Variants in ARV1 observed in about 807,000 individuals in gnomAD.
The protein encoded by ARV1 is ARV1 fatty acid homeostasis modulator.
Under a neutral mutation model 31.1 loss-of-function variants are expected in ARV1, and 26 were observed. The observed-to-expected ratio is 0.84, with a 90% CI of 0.61 to 1.16. The LOEUF is 1.16. Ranked by LOEUF, ARV1 falls within the 50% of genes most tolerant of loss-of-function variation. The pLI, the probability that ARV1 is intolerant of heterozygous loss-of-function variation, is 0.00. For synonymous variants in ARV1, 117 were observed against 123.2 expected, an observed-to-expected ratio of 0.95 and a Z score of 0.34; for missense variants, 281 against 324.9, an observed-to-expected ratio of 0.86 and a Z score of 1.04.
intron 1 of ARV1, among the ~76,000 whole-genome samples, chr1:230,986,640 T>TTCCA (rs1679078014): frequency 6.7e-6 from 1 of 149,748 alleles, no homozygotes; most frequent in African/African-American, 2.4e-5. Flanking sequence ...TGTTCGTGCC[T>TTCCA]TCCACCCACA....
intron 3 of ARV1, among the ~76,000 whole-genome samples, chr1:230,991,562 C>T (rs542030204): frequency 6.6e-6 from 1 of 152,206 alleles, no homozygotes; most frequent in Admixed American, 6.5e-5. Flanking sequence ...TCCCTGATGC[C>T]TCTTTCTTTG....
chr1:230,985,174 C>A (rs1382437256), intron 1 of ARV1, among the ~76,000 whole-genome samples: 2 of 151,134 alleles, frequency 1.3e-5, no homozygotes, highest in Non-Finnish European at 3.0e-5. Context: ...AGGGAACCAG[C>A]AAACTTTAAT....
intron 1 of ARV1, among the ~76,000 whole-genome samples, chr1:230,984,636 T>C (rs919151638): frequency 1.3e-5 from 2 of 152,166 alleles, no homozygotes; most frequent in East Asian, 1.9e-4. Context: ...GATTAACTTT[T>C]ATATCTAGGT....
chr1:230,998,870 C>T (rs1226878256), intron 5 of ARV1, among the ~76,000 whole-genome samples: 1 of 152,142 alleles, frequency 6.6e-6, no homozygotes, highest in East Asian at 1.9e-4. Context: ...GTGATTGTGC[C>T]ACTGCACTCC....
intron 1 of ARV1, among the ~76,000 whole-genome samples, chr1:230,981,052 G>A (rs1678898046): frequency 6.6e-6 from 1 of 152,190 alleles, no homozygotes; most frequent in Non-Finnish European, 1.5e-5. Flanking sequence ...TCCTTGAAAT[G>A]CTGTGTGCGC....
chr1:230,994,693 C>T (rs1168622399), intron 3 of ARV1, among the ~76,000 whole-genome samples: 1 of 152,154 alleles, frequency 6.6e-6, no homozygotes, highest in Non-Finnish European at 1.5e-5. Context: ...AGGCGCCTGC[C>T]ACCACTCCCG....
At chr1:230,997,982 G>T (rs1317535552) in intron 5 of ARV1, among the ~76,000 whole-genome samples, 2 of 152,186 alleles carry the variant, frequency 1.3e-5, no homozygotes, top group Admixed American at 1.3e-4. Context: ...CCCTTTGTCT[G>T]CTCTGACTTT....
In ARV1 at chr1:230,996,042, C is replaced by T. The variant is rs534124709; in HGVS notation, c.673+58C>T. On this transcript the variant is annotated intron_variant, in intron 4 of 5. Coordinates refer to ENST00000310256, the MANE Select transcript of ARV1 (RefSeq NM_022786.3). Reference sequence around the variant, plus strand: ...TTTCAACCCATAAAAAGCTTAAAGCCTTGTTTCTGGGGTGCAGTTTTTATA... The same window carrying T: ...TTTCAACCCATAAAAAGCTTAAAGCTTTGTTTCTGGGGTGCAGTTTTTATA... The T allele has an allele frequency of 6.1e-6, 9 of 1,471,492 alleles. No homozygotes were observed. The East Asian group carries it at 2.0e-4, about 33-fold the overall frequency. The allele number at this position is 1,471,492 out of a possible 1,614,324, so 91.2% of individuals were successfully genotyped here.
chr1:230,985,348 T>A (rs548497139), intron 1 of ARV1, among the ~76,000 whole-genome samples: 1 of 152,332 alleles, frequency 6.6e-6, no homozygotes, highest in East Asian at 1.9e-4. Flanking sequence ...ATGACTGTGG[T>A]CATGAGACCA....
At position 230,983,142 on chromosome 1, in the gene ARV1, C is replaced by T. The variant is rs116541950; in HGVS notation, c.174+3863C>T. Among the ~76,000 whole-genome samples the T allele has an allele frequency of 7.0e-3, 1,062 of 152,226 alleles. 14 individuals carry two copies. The highest frequency in any genetic ancestry group is 0.024 in the African/African-American group (992 of 41,518). On this transcript the variant is annotated intron_variant, in intron 1 of 5. Coordinates refer to ENST00000310256, the MANE Select transcript of ARV1 (RefSeq NM_022786.3). ...AAGATACAGTACTTTCGGCCTAGCA[C>T]GGTGGCTCATGCCTGTAATCCCAGT... is the stretch of plus-strand genomic sequence containing the variant.
chr1:230,984,237 T>A (rs1446927009), intron 1 of ARV1, among the ~76,000 whole-genome samples: 1 of 152,002 alleles, frequency 6.6e-6, no homozygotes. Flanking sequence ...GGCGACAGAG[T>A]GAGACCTTGT....
Position 230,988,500 on chromosome 1 carries a change from A to C in ARV1, c.294+61A>C. 2.9e-6 allele frequency: 4 copies of C among 1,378,580 alleles called. No homozygotes were observed. The South Asian group carries it at 5.7e-5, about 20-fold the overall frequency. The allele number at this position is 1,378,580 out of a possible 1,614,324, so 85.4% of individuals were successfully genotyped here. On this transcript the variant is annotated intron_variant, in intron 2 of 5. Transcript: ENST00000310256. ...GATGCTGTTACATTTTAAAAGAATA[A>C]TAAGAATTTTAAACAGAAGTAAAGA...
At position 230,984,361 on chromosome 1, in the gene ARV1, T is replaced by C. The variant is rs143251634; in HGVS notation, c.175-3959T>C. Reference sequence around the variant, plus strand: ...TTTGTTTCGTGTGTGTGTGTGTGTGTGCGTGTGTGTGTGTGTGTGTGTGTG... The same window carrying C: ...TTTGTTTCGTGTGTGTGTGTGTGTGCGCGTGTGTGTGTGTGTGTGTGTGTG... On this transcript the variant is annotated intron_variant, in intron 1 of 5. Coordinates refer to ENST00000310256, the MANE Select transcript of ARV1 (RefSeq NM_022786.3). 3.3e-3 allele frequency among the ~76,000 whole-genome samples: 338 copies of C among 103,392 alleles called. 1 individual carries two copies. The highest frequency in any genetic ancestry group is 0.014 in the African/African-American group (310 of 21,552). 67.8% of individuals were successfully genotyped at this position (103,392 alleles called of 152,430 possible).
chr1:230,991,655 G>A (rs530868028), intron 3 of ARV1, among the ~76,000 whole-genome samples: 5 of 136,910 alleles, frequency 3.7e-5, no homozygotes, highest in African/African-American at 1.4e-4. Context: ...TTTTTGAGAC[G>A]GAGTCTCACT....
chr1:230,990,849 G>A (rs1679210971), intron 3 of ARV1, among the ~76,000 whole-genome samples: 1 of 152,124 alleles, frequency 6.6e-6, no homozygotes, highest in African/African-American at 2.4e-5. Context: ...GGGATTACAG[G>A]TGTGAGCCAC....
chr1:230,996,683 A>G (rs1054126161), intron 4 of ARV1, among the ~76,000 whole-genome samples: 3 of 152,048 alleles, frequency 2.0e-5, no homozygotes, highest in East Asian at 3.9e-4. Context: ...CAGTCTGTCC[A>G]CCTTGGCATC....
intron 1 of ARV1, among the ~76,000 whole-genome samples, chr1:230,984,196 G>A (rs993660586): frequency 6.6e-6 from 1 of 152,172 alleles, no homozygotes; most frequent in Non-Finnish European, 1.5e-5. Context: ...GCTGTAGTGG[G>A]ACAAGATCCT....
rs897999819 is a variant in ARV1, at chr1:231,000,195, T to C, written c.*62T>C. 1 of 152,210 alleles carries C rather than the reference T, an allele frequency of 6.6e-6. No homozygotes were observed. Among genetic ancestry groups the C allele is most frequent in the Non-Finnish European group, 1.5e-5 (1 of 68,022 alleles). The allele number at this position is 152,210 out of a possible 1,614,324, so 9.4% of individuals were successfully genotyped here. On this transcript the variant is annotated 3_prime_UTR_variant, in exon 6 of 6. Transcript: ENST00000310256. ...AGCTGTATCTGAAAGAGAAAAGACA[T>C]GAAATATAAACCAACCTCCTCATTT...
intron 3 of ARV1, among the ~76,000 whole-genome samples, chr1:230,994,876 C>G (rs114749426): frequency 6.6e-6 from 1 of 152,170 alleles, no homozygotes; most frequent in African/African-American, 2.4e-5. Flanking sequence ...TAATTACCTA[C>G]ATTTGGAACC....
Sources: gnomAD v4.1 joint callset for allele counts (sites outside exome capture counted in the v4.1 genomes callset) on GRCh38, gnomAD v4.1.1 for gene constraint, MANE v1.5 for transcripts, NCBI Gene and HGNC (gene_info 2026-07-23, HGNC 2026-07-21) for gene names.